Variants in NXPE2 observed in about 807,000 individuals in gnomAD.
The protein encoded by NXPE2 is neurexophilin and PC-esterase domain family member 2.
A neutral mutation model predicts 34.4 loss-of-function variants in NXPE2; 34 were observed. The ratio of observed to expected loss-of-function variants is 0.99; its 90% CI spans 0.75 to 1.31. The LOEUF is 1.31. Among genes scored for constraint, NXPE2 ranks in the 40% most tolerant of loss-of-function variants. The pLI, the probability that NXPE2 is intolerant of heterozygous loss-of-function variation, is 0.00. For synonymous variants in NXPE2, 235 were observed against 231.3 expected, an observed-to-expected ratio of 1.02 and a Z score of -0.15; for missense variants, 649 against 672.5, an observed-to-expected ratio of 0.97 and a Z score of 0.39.
the NXPE2 span, among the ~76,000 whole-genome samples, chr11:114,506,272 C>A: frequency 6.6e-6 from 1 of 152,062 alleles, no homozygotes; most frequent in Non-Finnish European, 1.5e-5. Flanking sequence ...GACTCTCATG[C>A]AATAACTGTC....
chr11:114,736,342 C>T, the NXPE2 span, among the ~76,000 whole-genome samples: 2 of 152,160 alleles, frequency 1.3e-5, no homozygotes, highest in Non-Finnish European at 2.9e-5. Flanking sequence ...AAGATGGCCA[C>T]ACCCAAGGAA....
At chr11:114,551,510 A>G in the NXPE2 span, 1 of 697,148 alleles carries the variant, frequency 1.4e-6, no homozygotes, top group Non-Finnish European at 1.8e-6. Flanking sequence ...GTTACAAGAC[A>G]TAACAATTAC....
At chr11:114,733,498 G>A in the NXPE2 span, among the ~76,000 whole-genome samples, 1 of 152,198 alleles carries the variant, frequency 6.6e-6, no homozygotes, top group Admixed American at 6.5e-5. Context: ...TGCTTCAGGT[G>A]ATTTGGGGTA....
At chr11:114,768,949 A>G in the NXPE2 span, among the ~76,000 whole-genome samples, 1 of 152,210 alleles carries the variant, frequency 6.6e-6, no homozygotes, top group Non-Finnish European at 1.5e-5. Flanking sequence ...AAAAGCCAAA[A>G]CTGACAAATG....
At chr11:114,646,012 A>C in the NXPE2 span, among the ~76,000 whole-genome samples, 1 of 152,154 alleles carries the variant, frequency 6.6e-6, no homozygotes, top group Non-Finnish European at 1.5e-5. Flanking sequence ...AGTACTTCAG[A>C]GAAAAATCTC....
the NXPE2 span, among the ~76,000 whole-genome samples, chr11:114,595,959 AAG>A: frequency 2.0e-5 from 3 of 152,338 alleles, no homozygotes; most frequent in African/African-American, 4.8e-5. Flanking sequence ...TGATGAGAAA[AAG>A]AGTGTTTGAT....
the NXPE2 span, among the ~76,000 whole-genome samples, chr11:114,774,158 A>T: frequency 6.6e-6 from 1 of 152,198 alleles, no homozygotes; most frequent in Non-Finnish European, 1.5e-5. Flanking sequence ...GTACCAGAGC[A>T]TGTTCCATGT....
At chr11:114,480,264 A>T in the NXPE2 span, among the ~76,000 whole-genome samples, 3 of 152,302 alleles carry the variant, frequency 2.0e-5, no homozygotes, top group Non-Finnish European at 2.9e-5. Context: ...GAGGAAGAAG[A>T]GCCAGCAGTA....
At chr11:114,781,554 C>T in the NXPE2 span, among the ~76,000 whole-genome samples, 1 of 152,076 alleles carries the variant, frequency 6.6e-6, no homozygotes, top group Non-Finnish European at 1.5e-5. Flanking sequence ...AGGGAAAGGC[C>T]ATCCAGCAAG....
the NXPE2 span, among the ~76,000 whole-genome samples, chr11:114,573,636 T>C: frequency 6.6e-6 from 1 of 152,024 alleles, no homozygotes; most frequent in African/African-American, 2.4e-5. Context: ...CATTATATAA[T>C]GATAAAATAA....
chr11:114,783,325 A>G, the NXPE2 span, among the ~76,000 whole-genome samples: 1 of 152,146 alleles, frequency 6.6e-6, no homozygotes, highest in African/African-American at 2.4e-5. Context: ...CTGCTTCTCT[A>G]CTGTTCCCAC....
At chr11:114,496,354 T>G in the NXPE2 span, among the ~76,000 whole-genome samples, 19 of 152,266 alleles carry the variant, frequency 1.2e-4, no homozygotes, top group Non-Finnish European at 2.4e-4. Flanking sequence ...GCACAGATTT[T>G]CCCTCTATGC....
the NXPE2 span, among the ~76,000 whole-genome samples, chr11:114,604,922 T>C: frequency 5.3e-5 from 8 of 151,990 alleles, 1 homozygote; most frequent in South Asian, 1.7e-3. Context: ...TAGTGTTGCC[T>C]CTAGGGTACC....
chr11:114,735,119 T>C, the NXPE2 span, among the ~76,000 whole-genome samples: 4 of 151,832 alleles, frequency 2.6e-5, no homozygotes, highest in Admixed American at 6.6e-5. Context: ...CAAATAATAA[T>C]AATAATAATA....
At chr11:114,492,577 C>T in the NXPE2 span, among the ~76,000 whole-genome samples, 3 of 150,324 alleles carry the variant, frequency 2.0e-5, no homozygotes, top group South Asian at 2.1e-4. Flanking sequence ...CTTGCTCCAT[C>T]GCCCAGGCTG....
At chr11:114,705,680 G>A in intron 4 of NXPE2, 101 bp from the exon 5 acceptor site, 1 of 628,098 alleles carries the variant, frequency 1.6e-6, no homozygotes, top group South Asian at 2.7e-5. Flanking sequence ...TGAAGAGAAA[G>A]GGGGAGGAAA....
the NXPE2 span, among the ~76,000 whole-genome samples, chr11:114,803,776 C>T: frequency 0.029 from 4,456 of 152,104 alleles, 224 homozygotes; most frequent in African/African-American, 0.1. Flanking sequence ...GATGGAGTTT[C>T]ACCATGTTGG....
the NXPE2 span, among the ~76,000 whole-genome samples, chr11:114,811,745 G>A: frequency 6.6e-6 from 1 of 152,182 alleles, no homozygotes; most frequent in Non-Finnish European, 1.5e-5. Flanking sequence ...ACAAGGAAGG[G>A]CTGGGCTAGA....
chr11:114,604,378 G>A, the NXPE2 span, among the ~76,000 whole-genome samples: 3 of 151,738 alleles, frequency 2.0e-5, no homozygotes, highest in African/African-American at 4.8e-5. Flanking sequence ...GTGTTGCCTC[G>A]TGGGTAACCA....
Sources: allele counts gnomAD v4.1 joint callset (sites outside exome capture counted in the v4.1 genomes callset), GRCh38; gene constraint gnomAD v4.1.1; transcripts MANE v1.5; gene names NCBI Gene and HGNC (gene_info 2026-07-23, HGNC 2026-07-21).